Variants in MYO9A observed in about 807,000 individuals in gnomAD.
The protein encoded by MYO9A is myosin IXA.
In MYO9A, 103 loss-of-function variants were observed where a neutral mutation model predicts 293.3. The observed-to-expected ratio is 0.35, with a 90% CI of 0.30 to 0.41. The LOEUF is 0.41. Ranked by LOEUF, MYO9A falls within the 10% of genes least tolerant of loss-of-function variation. The pLI, the probability that MYO9A is intolerant of heterozygous loss-of-function variation, is 1.00. For missense variants in MYO9A, 2,685 were observed against 3,033.0 expected (o/e 0.89, Z 2.69); for synonymous variants, 1,001 against 1,035.7 (o/e 0.97, Z 0.64).
intron 11 of MYO9A, among the ~76,000 whole-genome samples, chr15:71,982,488 G>A (rs902518056): frequency 1.3e-5 from 2 of 151,378 alleles, no homozygotes; most frequent in South Asian, 2.1e-4. Context: ...AATATCCCAC[G>A]CAAACTTGAA....
chr15:71,970,185 T>C (rs923319146), intron 12 of MYO9A, among the ~76,000 whole-genome samples: 8 of 152,246 alleles, frequency 5.3e-5, no homozygotes, highest in African/African-American at 1.7e-4. Flanking sequence ...CTGCTGCTGA[T>C]AGAAGATGAC....
rs752556684 is a variant in MYO9A at position 71,897,531 on chromosome 15, C to G, written c.4972G>C (p.Asp1658His). ...RPTQSYSHNSDDLSREGNARP... is the reference protein window; with the variant it reads ...RPTQSYSHNSHDLSREGNARP... ...GCATTTCCCTCTCTGGAAAGGTCAT[C>G]AGAATTGTGGCTGTAAGACTGAGTT... The change falls in exon 25 of 42, where the codon GAT becomes CAT. Residue 1658 changes from aspartate to histidine, a missense_variant. By Grantham distance (81) the Asp-to-His change is moderately conservative (BLOSUM62 -1). Transcript: ENST00000356056. 6.2e-7 allele frequency: 1 copy of G among 1,614,098 alleles called. No individual in the cohort carries two copies. Among genetic ancestry groups the G allele is most frequent in the South Asian group, 1.1e-5 (1 of 91,070 alleles).
intron 1 of MYO9A, among the ~76,000 whole-genome samples, chr15:72,074,534 T>C (rs181759986): frequency 6.6e-6 from 1 of 152,234 alleles, no homozygotes; most frequent in East Asian, 1.9e-4. Context: ...GAATGAATAA[T>C]CCTATAGACT....
chr15:71,823,367 TTCA>T lies in MYO9A; in HGVS notation c.*3210_*3212del, dbSNP rs1377523752. The T allele has an allele frequency of 6.6e-6, 1 of 152,224 alleles. No homozygotes were observed. The highest frequency in any genetic ancestry group is 1.9e-4 in the East Asian group (1 of 5,194). The allele number at this position is 152,224 out of a possible 1,614,324, so 9.4% of individuals were successfully genotyped here. On this transcript the variant is annotated 3_prime_UTR_variant, in exon 42 of 42. Transcript: ENST00000356056. ...CTGTTATGAAACACAGAATGGAGTC[TTCA>T]TTAATCTTCCAGCAGGGTAAGTGCT...
intron 34 of MYO9A, chr15:71,858,711 G>T (rs181665366): frequency 8.8e-6 from 1 of 113,280 alleles, no homozygotes; most frequent in Non-Finnish European, 1.8e-5. Context: ...GTCGTGGGGT[G>T]GGGGGAGGGG....
intron 13 of MYO9A, among the ~76,000 whole-genome samples, chr15:71,960,655 C>T (rs12902006): frequency 0.2 from 29,976 of 152,080 alleles, 3,212 homozygotes; most frequent in East Asian, 0.41. Flanking sequence ...CTAACTGGAC[C>T]GGGTATCTTC....
At chr15:72,008,936 T>C (rs2077095799) in intron 7 of MYO9A, among the ~76,000 whole-genome samples, 1 of 152,204 alleles carries the variant, frequency 6.6e-6, no homozygotes, top group Non-Finnish European at 1.5e-5. Context: ...AACAAAGATA[T>C]TGCTTTAGGA....
chr15:71,901,844 GAA>G (rs34476136), intron 22 of MYO9A, among the ~76,000 whole-genome samples: 1 of 152,060 alleles, frequency 6.6e-6, no homozygotes, highest in Non-Finnish European at 1.5e-5. Context: ...TTGGGATGGG[GAA>G]AAAAGTTGAA....
At chr15:71,906,141 A>T (rs2057631368) in intron 19 of MYO9A, among the ~76,000 whole-genome samples, 1 of 152,094 alleles carries the variant, frequency 6.6e-6, no homozygotes, top group Non-Finnish European at 1.5e-5. Context: ...TTGGGGATTG[A>T]TGTCTTTCTT....
At chr15:71,875,592 C>T (rs377578630) in intron 32 of MYO9A, among the ~76,000 whole-genome samples, 199 bp downstream of exon 32, 8 of 152,076 alleles carry the variant, frequency 5.3e-5, no homozygotes, top group Admixed American at 2.0e-4. Context: ...AGTTTTCTGC[C>T]ATTTTAGGAA....
chr15:71,886,626 T>G (rs2057028833), intron 27 of MYO9A, among the ~76,000 whole-genome samples: 2 of 152,154 alleles, frequency 1.3e-5, no homozygotes, highest in East Asian at 1.9e-4. Context: ...TTTACTTAGC[T>G]GGATTAGGAT....
At chr15:72,028,525 T>C (rs1266153512) in intron 3 of MYO9A, among the ~76,000 whole-genome samples, 1 of 151,170 alleles carries the variant, frequency 6.6e-6, no homozygotes, top group Non-Finnish European at 1.5e-5. Context: ...TGCACGCCTG[T>C]AATCCCAGCT....
In MYO9A at chr15:72,117,865, CCT is replaced by C. The variant is rs1298562556; in HGVS notation, c.-259_-258del. The C allele has an allele frequency of 7.5e-6, 3 of 398,630 alleles. No individual in the cohort carries two copies. 24.7% of individuals were successfully genotyped at this position (398,630 alleles called of 1,614,324 possible). On this transcript the variant is annotated 5_prime_UTR_variant, in exon 1 of 42. The change abolishes the stop of an existing upstream ORF in the 5' untranslated region. Transcript: ENST00000356056. ...CGAGCGGCCGCGGCGCATCCCCCGC[CCT>C]GTCAGAGAGACTCCGCCCGGCCTGA...
At chr15:72,022,186 G>C (rs187642408) in intron 4 of MYO9A, among the ~76,000 whole-genome samples, 3 of 152,300 alleles carry the variant, frequency 2.0e-5, no homozygotes, top group Non-Finnish European at 2.9e-5. Flanking sequence ...CTGGGAAGGA[G>C]AGGACTCATT....
chr15:71,904,200 T>C (rs946131272), intron 20 of MYO9A, among the ~76,000 whole-genome samples, 161 bp from the exon 21 acceptor site: 1 of 152,218 alleles, frequency 6.6e-6, no homozygotes, highest in Non-Finnish European at 1.5e-5. Context: ...ACCTCTCAGC[T>C]GGTAGCTTCA....
At chr15:72,027,867 G>A (rs2077720930) in intron 3 of MYO9A, 74 bp from the exon 4 acceptor site, 12 of 1,112,722 alleles carry the variant, frequency 1.1e-5, no homozygotes, top group South Asian at 5.6e-5. Context: ...TGGAGACAGT[G>A]TAAAAGTATA....
chr15:71,945,155 G>A (rs2058880583), intron 15 of MYO9A, among the ~76,000 whole-genome samples: 3 of 152,090 alleles, frequency 2.0e-5, no homozygotes. Flanking sequence ...GGCTTAGCTG[G>A]GTGGTTCTGA....
rs1338672895 is a variant in MYO9A, at chr15:71,899,008, C to G, written c.3495G>C (p.Arg1165Ser). 3 of 1,609,042 alleles carry G rather than the reference C, an allele frequency of 1.9e-6. No individual in the cohort carries two copies. The highest frequency in any genetic ancestry group is 2.2e-5 in the South Asian group (2 of 90,674). ...RQRFKALKEQ[R>S]LRETKPEVGL... Reference sequence around the variant, plus strand: ...CAACTTCTGGCTTTGTTTCTCTTAGCCTTTGTTCTTTTAAAGCTTTAAATC... The same window carrying G: ...CAACTTCTGGCTTTGTTTCTCTTAGGCTTTGTTCTTTTAAAGCTTTAAATC... Residue 1165 changes from arginine (R) to serine (S), a missense_variant, in exon 25 of 42, where the codon AGG becomes AGC. Transcript: ENST00000356056.
intron 27 of MYO9A, among the ~76,000 whole-genome samples, chr15:71,885,686 T>C (rs993759548): frequency 1.3e-5 from 2 of 152,178 alleles, no homozygotes; most frequent in Non-Finnish European, 2.9e-5. Context: ...ATCCACTATG[T>C]TGGGCACTCA....
Sources: gnomAD v4.1 joint callset for allele counts (sites outside exome capture counted in the v4.1 genomes callset) on GRCh38, gnomAD v4.1.1 for gene constraint, MANE v1.5 for transcripts, NCBI Gene and HGNC (gene_info 2026-07-23, HGNC 2026-07-21) for gene names.